PUS7: variants seen among roughly 807,000 people sequenced by gnomAD.
PUS7 encodes pseudouridine synthase 7.
In PUS7, 48 loss-of-function variants were observed where a neutral mutation model predicts 79.8. The observed-to-expected ratio is 0.60, with a 90% CI of 0.48 to 0.76. The LOEUF is 0.76. PUS7 is among the 30% of genes least tolerant of loss of function. PUS7 has a pLI of 0.00. For missense variants in PUS7, 729 were observed against 797.6 expected, an observed-to-expected ratio of 0.91 and a Z score of 1.04; for synonymous variants, 286 against 272.2, an observed-to-expected ratio of 1.05 and a Z score of -0.50.
At position 105,508,549 on chromosome 7, in the gene PUS7, T is replaced by C. The variant is rs375977819; in HGVS notation, c.-32-5A>G. On this transcript the variant is annotated splice_region_variant and splice_polypyrimidine_tract_variant and intron_variant, in intron 1 of 15. Coordinates refer to ENST00000469408, the MANE Select transcript of PUS7 (RefSeq NM_019042.5). ...CAAGAAAACATTTAAGAAAACCTGTTAGGAAAGAGTAGAAAGTAACAATCA... is the reference window on the plus strand; with the variant it reads ...CAAGAAAACATTTAAGAAAACCTGTCAGGAAAGAGTAGAAAGTAACAATCA... 4 of 1,583,372 alleles carry C rather than the reference T, an allele frequency of 2.5e-6. No homozygotes were observed. The African/African-American group carries it at 4.1e-5, about 16-fold the overall frequency.
At position 105,508,163 on chromosome 7, in the gene PUS7, G is replaced by A. The variant is rs980099268; in HGVS notation, c.350C>T (p.Thr117Ile). The A allele has an allele frequency of 5.0e-6, 8 of 1,613,586 alleles. No individual in the cohort carries two copies. In the East Asian group the frequency reaches 1.3e-4, roughly 27 times the overall value. The stretch of plus-strand genomic sequence containing the variant: ...CCCTTGATGAGAACTCACAAACTTG[G>A]TGATGCCTACGTCAGCCTCAGTGAG... ...HGLTEADVGI[T>I]KFVSSHQGFS... Residue 117 changes from threonine (T) to isoleucine (I), a missense_variant, in exon 2 of 16, where the codon ACC becomes ATC. Coordinates refer to ENST00000469408, the MANE Select transcript of PUS7 (RefSeq NM_019042.5).
chr7:105,517,811 A>T (rs1380005431), intron 1 of PUS7, among the ~76,000 whole-genome samples: 2 of 152,012 alleles, frequency 1.3e-5, no homozygotes, highest in Non-Finnish European at 2.9e-5. Flanking sequence ...GTTTGAGACC[A>T]GCATGGACAA....
intron 1 of PUS7, among the ~76,000 whole-genome samples, chr7:105,519,211 AG>A (rs1826009639): frequency 6.6e-6 from 1 of 151,892 alleles, no homozygotes; most frequent in Admixed American, 6.6e-5. Context: ...CATTTTCTTT[AG>A]GGCCAGAGCA....
intron 2 of PUS7, among the ~76,000 whole-genome samples, chr7:105,507,501 C>G (rs1825519078): frequency 6.6e-6 from 1 of 152,102 alleles, no homozygotes; most frequent in African/African-American, 2.4e-5. Context: ...GATTATAAAA[C>G]AAACTCAGGA....
At chr7:105,492,799 G>A (rs1008988293) in intron 6 of PUS7, among the ~76,000 whole-genome samples, 1 of 152,102 alleles carries the variant, frequency 6.6e-6, no homozygotes, top group Non-Finnish European at 1.5e-5. Context: ...GAGCCACCGC[G>A]CCCGGCCGAT....
intron 7 of PUS7, among the ~76,000 whole-genome samples, chr7:105,482,786 G>A (rs900005421): frequency 2.0e-5 from 3 of 152,016 alleles, no homozygotes; most frequent in Non-Finnish European, 4.4e-5. Context: ...TGGGGACAGA[G>A]ACAAATCCCA....
intron 1 of PUS7, among the ~76,000 whole-genome samples, chr7:105,512,617 T>A (rs1221820894): frequency 6.6e-6 from 1 of 152,138 alleles, no homozygotes; most frequent in African/African-American, 2.4e-5. Flanking sequence ...AAAGAACTCA[T>A]CGCCCACTGT....
At chr7:105,510,247 C>G (rs1207523292) in intron 1 of PUS7, among the ~76,000 whole-genome samples, 1 of 151,878 alleles carries the variant, frequency 6.6e-6, no homozygotes, top group Non-Finnish European at 1.5e-5. Flanking sequence ...TTGTGGTGAG[C>G]TGAAATTGTG....
chr7:105,468,598 G>T lies in PUS7; in HGVS notation c.1399-135C>A, dbSNP rs1427202914. 1.5e-5 allele frequency: 10 copies of T among 684,740 alleles called. No individual in the cohort carries two copies. The East Asian group carries it at 2.9e-4, about 20-fold the overall frequency. 42.4% of individuals were successfully genotyped at this position (684,740 alleles called of 1,614,324 possible). ...AGTGGCACGATCTAGGCTCATTGTA[G>T]CCTCCACCTCCCGGGTTCAAGCAAT... is the stretch of plus-strand genomic sequence containing the variant. On this transcript the variant is annotated intron_variant, in intron 11 of 15. Transcript: ENST00000469408.
intron 14 of PUS7, chr7:105,462,128 AAAAAG>A (rs1823455702): frequency 1.3e-5 from 2 of 152,116 alleles, no homozygotes; most frequent in African/African-American, 4.8e-5. Context: ...ATAAAAGAGA[AAAAAG>A]AAAAGAAAAA....
intron 1 of PUS7, among the ~76,000 whole-genome samples, chr7:105,521,073 T>TACTTA (rs1826089256): frequency 1.3e-5 from 2 of 152,106 alleles, no homozygotes; most frequent in Admixed American, 1.3e-4. Flanking sequence ...GTTAAGTACG[T>TACTTA]ACTGTTGGCT....
At chr7:105,481,544 A>G (rs1366182430) in intron 8 of PUS7, among the ~76,000 whole-genome samples, 4 of 152,182 alleles carry the variant, frequency 2.6e-5, no homozygotes, top group African/African-American at 9.7e-5. Context: ...TTATATGCAC[A>G]ATGTTGGACA....
At chr7:105,480,368 G>A (rs1824271631) in intron 9 of PUS7, among the ~76,000 whole-genome samples, 1 of 152,088 alleles carries the variant, frequency 6.6e-6, no homozygotes, top group Non-Finnish European at 1.5e-5. Flanking sequence ...TCAGCTACTT[G>A]GGATGCCGAG....
chr7:105,503,427 A>G (rs1159145053), intron 4 of PUS7, among the ~76,000 whole-genome samples: 2 of 152,196 alleles, frequency 1.3e-5, no homozygotes, highest in African/African-American at 4.8e-5. Context: ...GGTTTACAGT[A>G]AAGAAAAATC....
At chr7:105,458,807 C>A (rs558328695) in intron 15 of PUS7, among the ~76,000 whole-genome samples, 1 of 151,492 alleles carries the variant, frequency 6.6e-6, no homozygotes, top group Admixed American at 6.6e-5. Context: ...GTGATCCGCC[C>A]GCCTCGGCCT....
intron 1 of PUS7, among the ~76,000 whole-genome samples, chr7:105,513,467 T>C (rs527968663): frequency 2.6e-5 from 4 of 152,342 alleles, no homozygotes; most frequent in African/African-American, 9.6e-5. Context: ...AAGTAAAATA[T>C]GATGACTTGG....
intron 1 of PUS7, among the ~76,000 whole-genome samples, chr7:105,509,767 C>T (rs1426722226): frequency 2.0e-5 from 3 of 152,164 alleles, no homozygotes; most frequent in Non-Finnish European, 4.4e-5. Context: ...GTGTGAGCCA[C>T]CCTGCCTGGC....
In PUS7 at chr7:105,495,254, C is replaced by A; in HGVS notation, c.731-1G>T. On this transcript the variant is annotated splice_acceptor_variant, in intron 5 of 15. Coordinates refer to ENST00000469408, the MANE Select transcript of PUS7 (RefSeq NM_019042.5). LOFTEE classifies it high-confidence loss of function. ...TTTGGCCAAGAATGTTTTCTTGGAT[C>A]TTGAAAGCAAAAGAATTAACATTAT... 6.5e-7 allele frequency: 1 copy of A among 1,533,070 alleles called. No individual in the cohort carries two copies. Among genetic ancestry groups the A allele is most frequent in the Non-Finnish European group, 9.0e-7 (1 of 1,108,950 alleles). 95.0% of individuals were successfully genotyped at this position (1,533,070 alleles called of 1,614,324 possible). A position where few individuals can be genotyped will look rare whatever the true frequency, so the allele number is the denominator to read the frequency against.
At chr7:105,485,799 A>G (rs933458651) in intron 7 of PUS7, among the ~76,000 whole-genome samples, 5 of 152,084 alleles carry the variant, frequency 3.3e-5, no homozygotes, top group Admixed American at 6.5e-5. Flanking sequence ...TTTAAGTGCT[A>G]TATCTCTTTT....
Sources: allele counts gnomAD v4.1 joint callset (sites outside exome capture counted in the v4.1 genomes callset), GRCh38; gene constraint gnomAD v4.1.1; transcripts MANE v1.5; gene names NCBI Gene and HGNC (gene_info 2026-07-23, HGNC 2026-07-21).